The following MACROD2 variants were observed in gnomAD, a reference collection of about 807,000 sequenced individuals.
MACROD2 encodes ADP-ribose glycohydrolase MACROD2.
Under a neutral mutation model 70.4 loss-of-function variants are expected in MACROD2, and 36 were observed. That is an observed-to-expected ratio of 0.51 (90% CI 0.39 to 0.68). The LOEUF is 0.68. Ranked by LOEUF, MACROD2 falls within the 30% of genes least tolerant of loss-of-function variation. The pLI is 0.00. For synonymous variants in MACROD2, 172 were observed against 178.8 expected (o/e 0.96, Z 0.30); for missense variants, 496 against 538.4 (o/e 0.92, Z 0.78).
chr20:15,131,176 C>G (rs2123276480), intron 5 of MACROD2, among the ~76,000 whole-genome samples: 1 of 152,198 alleles, frequency 6.6e-6, no homozygotes, highest in Non-Finnish European at 1.5e-5. Context: ...CCAAGTTTAT[C>G]ATGGTTGACA....
chr20:14,273,365 G>T (rs1295163225), intron 3 of MACROD2, among the ~76,000 whole-genome samples: 7 of 151,116 alleles, frequency 4.6e-5, no homozygotes, highest in Admixed American at 4.6e-4. Flanking sequence ...CAACTACATG[G>T]AAACTGAACA....
At chr20:15,650,097 G>A (rs2049620982) in intron 8 of MACROD2, among the ~76,000 whole-genome samples, 1 of 152,168 alleles carries the variant, frequency 6.6e-6, no homozygotes, top group South Asian at 2.1e-4. Flanking sequence ...GTGACTATCA[G>A]TAGATAAAGG....
At chr20:14,351,674 A>G (rs925353370) in intron 3 of MACROD2, among the ~76,000 whole-genome samples, 4 of 152,200 alleles carry the variant, frequency 2.6e-5, no homozygotes, top group African/African-American at 9.6e-5. Flanking sequence ...AGATCATATC[A>G]TCTGCAAATA....
chr20:14,240,506 C>T (rs1159817213), intron 3 of MACROD2, among the ~76,000 whole-genome samples: 1 of 152,108 alleles, frequency 6.6e-6, no homozygotes, highest in Non-Finnish European at 1.5e-5. Flanking sequence ...TACTATACAG[C>T]CCCCCAAAAT....
At chr20:14,353,119 A>G (rs1162578028) in intron 3 of MACROD2, among the ~76,000 whole-genome samples, 1 of 152,160 alleles carries the variant, frequency 6.6e-6, no homozygotes, top group African/African-American at 2.4e-5. Context: ...TCACTTGTGT[A>G]AAAGTCCAAA....
At chr20:14,415,947 T>G (rs2122879229) in intron 3 of MACROD2, among the ~76,000 whole-genome samples, 1 of 150,626 alleles carries the variant, frequency 6.6e-6, no homozygotes, top group East Asian at 2.0e-4. Context: ...ATGGTTTACC[T>G]TTCTGTTGTC....
intron 8 of MACROD2, among the ~76,000 whole-genome samples, chr20:15,777,419 A>G (rs2051740020): frequency 1.3e-5 from 2 of 149,610 alleles, no homozygotes; most frequent in African/African-American, 2.5e-5. Flanking sequence ...TTCTGCATGA[A>G]GAGACCACTG....
chr20:14,469,740 C>G (rs2084504649), intron 3 of MACROD2, among the ~76,000 whole-genome samples: 1 of 151,934 alleles, frequency 6.6e-6, no homozygotes, highest in African/African-American at 2.4e-5. Context: ...AGGTATCATG[C>G]TTCACGAAGT....
chr20:14,277,174 G>A (rs1307903586), intron 3 of MACROD2, among the ~76,000 whole-genome samples: 1 of 152,164 alleles, frequency 6.6e-6, no homozygotes, highest in Non-Finnish European at 1.5e-5. Context: ...GGGCATGGTG[G>A]CACTGTGGCT....
chr20:14,724,572 C>T (rs2071506300), intron 5 of MACROD2, among the ~76,000 whole-genome samples: 1 of 152,118 alleles, frequency 6.6e-6, no homozygotes, highest in South Asian at 2.1e-4. Context: ...TTTATGAAAT[C>T]CTTTCTGCAG....
At chr20:14,817,915 A>G (rs923890706) in intron 5 of MACROD2, among the ~76,000 whole-genome samples, 2 of 152,106 alleles carry the variant, frequency 1.3e-5, no homozygotes, top group African/African-American at 2.4e-5. Flanking sequence ...CACTGAGCCA[A>G]TGAGAGGCGA....
At chr20:15,094,453 T>C (rs1232538974) in intron 5 of MACROD2, among the ~76,000 whole-genome samples, 1 of 152,176 alleles carries the variant, frequency 6.6e-6, no homozygotes, top group African/African-American at 2.4e-5. Flanking sequence ...TTCCTTAAAA[T>C]TATTTTTATA....
chr20:15,726,174 ATG>A (rs2050859748), intron 8 of MACROD2, among the ~76,000 whole-genome samples: 2 of 152,164 alleles, frequency 1.3e-5, no homozygotes, highest in South Asian at 4.1e-4. Flanking sequence ...AAATGAGGAC[ATG>A]TGGCATTTGG....
chr20:14,100,686 A>T (rs2054288403), intron 3 of MACROD2, among the ~76,000 whole-genome samples: 1 of 123,742 alleles, frequency 8.1e-6, no homozygotes, highest in African/African-American at 3.0e-5. Context: ...TTATATATTT[A>T]TTTTAAATAT....
intron 5 of MACROD2, among the ~76,000 whole-genome samples, chr20:14,693,170 A>G (rs1163842766): frequency 6.6e-6 from 1 of 152,216 alleles, no homozygotes; most frequent in Non-Finnish European, 1.5e-5. Flanking sequence ...TAGCAGTGAC[A>G]CTGGCATTAA....
At chr20:14,954,761 A>ATAAATAC (rs1162378036) in intron 5 of MACROD2, among the ~76,000 whole-genome samples, 1 of 68,724 alleles carries the variant, frequency 1.5e-5, no homozygotes, top group African/African-American at 1.1e-4. Context: ...TATATAAATA[A>ATAAATAC]ATTTTATATA....
chr20:15,695,632 A>G (rs1054634606), intron 8 of MACROD2, among the ~76,000 whole-genome samples: 1 of 151,940 alleles, frequency 6.6e-6, no homozygotes, highest in Admixed American at 6.6e-5. Flanking sequence ...GCTGGTCTTA[A>G]ACTCCTGACC....
chr20:14,445,095 CT>C (rs2084169032), intron 3 of MACROD2, among the ~76,000 whole-genome samples: 1 of 152,046 alleles, frequency 6.6e-6, no homozygotes, highest in South Asian at 2.1e-4. Context: ...GCTCAAAACC[CT>C]TCAGTGGCTT....
intron 4 of MACROD2, among the ~76,000 whole-genome samples, chr20:14,577,457 G>GT (rs1980672941): frequency 6.6e-6 from 1 of 152,200 alleles, no homozygotes; most frequent in East Asian, 1.9e-4. Context: ...TATAATTGTG[G>GT]TTTTGGAACT....
Sources: allele counts gnomAD v4.1 joint callset (sites outside exome capture counted in the v4.1 genomes callset), GRCh38; gene constraint gnomAD v4.1.1; transcripts MANE v1.5; gene names NCBI Gene and HGNC (gene_info 2026-07-23, HGNC 2026-07-21).